Variants in PHF24 observed in about 807,000 individuals in gnomAD.
PHF24 encodes Galpha inhibitory interacting protein.
Under a neutral mutation model 42.6 loss-of-function variants are expected in PHF24, and 25 were observed. The ratio of observed to expected loss-of-function variants is 0.59; its 90% CI spans 0.43 to 0.82. The LOEUF (loss-of-function observed/expected upper bound fraction) is 0.82, where lower values mean the gene tolerates loss of function less well. Among genes scored for constraint, PHF24 ranks in the 40% least tolerant of loss-of-function variants. The pLI is 0.00. For synonymous variants in PHF24, 185 were observed against 204.8 expected (o/e 0.90, Z 0.83); for missense variants, 470 against 538.1 (o/e 0.87, Z 1.25).
chr9:34,836,644 G>A, the PHF24 span, among the ~76,000 whole-genome samples: 1 of 152,148 alleles, frequency 6.6e-6, no homozygotes, highest in East Asian at 1.9e-4. Context: ...TGGACTCCTT[G>A]AATACAGAAC....
the PHF24 span, among the ~76,000 whole-genome samples, chr9:34,909,042 G>T: frequency 6.6e-6 from 1 of 151,206 alleles, no homozygotes; most frequent in Non-Finnish European, 1.5e-5. Flanking sequence ...TAGAGATGGG[G>T]TTTCACCATG....
chr9:34,972,773 G>A (rs1449004153), intron 3 of PHF24, among the ~76,000 whole-genome samples: 3 of 152,062 alleles, frequency 2.0e-5, no homozygotes, highest in African/African-American at 7.2e-5. Flanking sequence ...AATTAGCTGG[G>A]CGTGGTGGCA....
chr9:34,937,254 C>G, the PHF24 span, among the ~76,000 whole-genome samples: 1 of 152,180 alleles, frequency 6.6e-6, no homozygotes, highest in Non-Finnish European at 1.5e-5. Flanking sequence ...GTTGCCGTGT[C>G]TGTGTAGAAA....
chr9:34,709,347 G>A, the PHF24 span: 60 of 1,599,054 alleles, frequency 3.8e-5, no homozygotes, highest in African/African-American at 5.7e-4. Context: ...GGCTTCAAGC[G>A]CTGGTGAGGC....
the PHF24 span, among the ~76,000 whole-genome samples, chr9:34,791,313 G>A: frequency 3.9e-5 from 6 of 152,130 alleles, no homozygotes; most frequent in East Asian, 1.9e-4. Flanking sequence ...ATGGCACCAG[G>A]GATTTTGGCC....
At chr9:34,918,374 C>T in the PHF24 span, 81 of 683,792 alleles carry the variant, frequency 1.2e-4, no homozygotes, top group Non-Finnish European at 1.9e-4. Context: ...CCAGTTGTCC[C>T]AATTGTAACT....
chr9:34,726,494 T>C, the PHF24 span: 1 of 1,551,664 alleles, frequency 6.4e-7, no homozygotes, highest in Non-Finnish European at 8.7e-7. Context: ...ATGCTGGCCT[T>C]GGTTTCCCTG....
At chr9:34,972,675 G>T (rs974840055) in intron 3 of PHF24, 144 bp downstream of exon 3, 23 of 678,112 alleles carry the variant, frequency 3.4e-5, no homozygotes, top group Admixed American at 2.8e-4. Context: ...CAGCACTTTG[G>T]GAGGCCAGTG....
the PHF24 span, among the ~76,000 whole-genome samples, chr9:34,841,126 A>G: frequency 6.6e-6 from 1 of 152,064 alleles, no homozygotes; most frequent in African/African-American, 2.4e-5. Context: ...CAGCCTCCTG[A>G]GTAGCTGGGA....
the PHF24 span, among the ~76,000 whole-genome samples, chr9:34,936,680 C>A: frequency 6.6e-6 from 1 of 151,652 alleles, no homozygotes; most frequent in Admixed American, 6.6e-5. Context: ...CTCTGCCCGG[C>A]CACCCATCGT....
At chr9:34,683,357 G>A in the PHF24 span, among the ~76,000 whole-genome samples, 4 of 152,172 alleles carry the variant, frequency 2.6e-5, no homozygotes, top group Admixed American at 6.5e-5. Context: ...CACCATGCCC[G>A]GCCAAAATAT....
chr9:34,712,930 G>T, the PHF24 span, among the ~76,000 whole-genome samples: 1 of 152,130 alleles, frequency 6.6e-6, no homozygotes, highest in Non-Finnish European at 1.5e-5. Flanking sequence ...CTTCCTCAGG[G>T]ATAGTCTCTG....
the PHF24 span, among the ~76,000 whole-genome samples, chr9:34,740,670 A>C: frequency 6.6e-6 from 1 of 152,238 alleles, no homozygotes; most frequent in Non-Finnish European, 1.5e-5. Context: ...TGGTCAGCCC[A>C]GAAAGGGGTT....
the PHF24 span, among the ~76,000 whole-genome samples, chr9:34,851,554 C>T: frequency 2.6e-5 from 4 of 152,322 alleles, no homozygotes; most frequent in East Asian, 3.9e-4. Context: ...TTGCACTTCC[C>T]GAGTGAGGCA....
chr9:34,824,838 G>T, the PHF24 span, among the ~76,000 whole-genome samples: 1 of 152,174 alleles, frequency 6.6e-6, no homozygotes, highest in South Asian at 2.1e-4. Flanking sequence ...TAAGCTGCTG[G>T]GGAGAGGGCG....
the PHF24 span, chr9:34,917,462 C>T: frequency 4.9e-5 from 38 of 769,628 alleles, no homozygotes; most frequent in Admixed American, 6.3e-4. Context: ...TCCTAACAAG[C>T]TGGTATTGTG....
chr9:34,862,972 C>G, the PHF24 span, among the ~76,000 whole-genome samples: 7 of 151,582 alleles, frequency 4.6e-5, no homozygotes, highest in Admixed American at 2.0e-4. Flanking sequence ...ACTGAAGGGT[C>G]CTTGGGCCAT....
At chr9:34,873,210 T>G in the PHF24 span, among the ~76,000 whole-genome samples, 1 of 151,918 alleles carries the variant, frequency 6.6e-6, no homozygotes, top group African/African-American at 2.4e-5. Context: ...TTAGTTTAAT[T>G]AGATCCCATT....
At chr9:34,881,815 C>T in the PHF24 span, among the ~76,000 whole-genome samples, 2 of 152,200 alleles carry the variant, frequency 1.3e-5, no homozygotes, top group Admixed American at 1.3e-4. Flanking sequence ...CCTTCTGAAA[C>T]TATTCCAATC....
Sources: allele counts gnomAD v4.1 joint callset (sites outside exome capture counted in the v4.1 genomes callset), GRCh38; gene constraint gnomAD v4.1.1; transcripts MANE v1.5; gene names NCBI Gene and HGNC (gene_info 2026-07-23, HGNC 2026-07-21).